Variants in CNOT3 observed in about 807,000 individuals in gnomAD.
CNOT3 encodes the protein CCR4-NOT transcription complex subunit 3, also known as CCR4-associated factor 3.
A neutral mutation model predicts 89.4 loss-of-function variants in CNOT3; 2 were observed. That is an observed-to-expected ratio of 0.02 (90% CI 0.01 to 0.07). CNOT3 has a LOEUF of 0.07. CNOT3 is among the 10% of genes least tolerant of loss of function. The pLI is 1.00. For synonymous variants in CNOT3, 486 were observed against 402.0 expected (o/e 1.21, Z -2.50); for missense variants, 664 against 1,010.2 (o/e 0.66, Z 4.65).
At position 54,155,509 on chromosome 19, in the gene CNOT3, G is replaced by A; in HGVS notation, c.*102G>A. 1 of 945,546 alleles carries A rather than the reference G, an allele frequency of 1.1e-6. No individual in the cohort carries two copies. Among genetic ancestry groups the A allele is most frequent in the Non-Finnish European group, 1.6e-6 (1 of 636,542 alleles). 58.6% of individuals were successfully genotyped at this position (945,546 alleles called of 1,614,324 possible). ...GACTGGAGGGAGGCCCCAAGCCACGGGGCATCCCCCTCTCCCAGGAAGCAG... is the reference window on the plus strand; with the variant it reads ...GACTGGAGGGAGGCCCCAAGCCACGAGGCATCCCCCTCTCCCAGGAAGCAG... On this transcript the variant is annotated 3_prime_UTR_variant, in exon 18 of 18. Coordinates refer to ENST00000221232, the MANE Select transcript of CNOT3 (RefSeq NM_014516.4).
Position 54,148,705 on chromosome 19 carries a change from C to A in CNOT3, c.1368C>A (p.Gly456=). 1 of 1,611,630 alleles carries A rather than the reference C, an allele frequency of 6.2e-7. No individual in the cohort carries two copies. The change falls in exon 12 of 18, where the codon GGC becomes GGA. Residue 456 remains glycine (G), a synonymous_variant. Coordinates refer to ENST00000221232, the MANE Select transcript of CNOT3 (RefSeq NM_014516.4). The surrounding 1 kb of genome is among the most constrained non-coding windows in gnomAD (Gnocchi z 6.3). Reference sequence around the variant, plus strand: ...ACAATGCCAGCAGCCAGGCCTTGGGCCCCCCTTCCGGCCCCCACAACCCAC... The same window carrying A: ...ACAATGCCAGCAGCCAGGCCTTGGGACCCCCTTCCGGCCCCCACAACCCAC... The part of the protein sequence containing the change: ...GGNNASSQAL[G]PPSGPHNPPP...
rs776285303 is a variant in CNOT3, at chr19:54,152,903, C to T, written c.1941C>T (p.Pro647=). 4 of 1,580,058 alleles carry T rather than the reference C, an allele frequency of 2.5e-6. No individual in the cohort carries two copies. Among genetic ancestry groups the T allele is most frequent in the Non-Finnish European group, 2.6e-6 (3 of 1,158,250 alleles). ...CCCGGAACCCCTGTCCGACGCCCCC[C>T]TACCACCACCAGATGCCACCCCCAC... The part of the protein sequence containing the change: ...YLPRNPCPTP[P]YHHQMPPPHS... Residue 647 remains proline, a synonymous_variant, in exon 16 of 18, where the codon CCC becomes CCT. Transcript: ENST00000221232.
In CNOT3 at chr19:54,155,314, C is replaced by G. The variant is rs748869699; in HGVS notation, c.2169C>G (p.Thr723=). 2.5e-6 allele frequency: 4 copies of G among 1,613,152 alleles called. No individual in the cohort carries two copies. The highest frequency in any genetic ancestry group is 3.4e-6 in the Non-Finnish European group (4 of 1,179,552). The change falls in exon 18 of 18, where the codon ACC becomes ACG. Residue 723 remains threonine, a synonymous_variant. Coordinates refer to ENST00000221232, the MANE Select transcript of CNOT3 (RefSeq NM_014516.4). ...CCGCCTTCTCCCCCGGCCAGGGCAC[C>G]TACATCTACTTTGACTACGAGAAGT... The part of the protein sequence containing the change: ...KTITDEFEQG[T]YIYFDYEKWG...
At chr19:54,153,397 A>G in intron 16 of CNOT3, 1 of 769,242 alleles carries the variant, frequency 1.3e-6, no homozygotes, top group Non-Finnish European at 2.4e-6. Context: ...AACCCCAGTG[A>G]GTCATGAGTG....
chr19:54,143,388 G>A, intron 3 of CNOT3, 54 bp from the exon 4 acceptor site: 1 of 1,557,348 alleles, frequency 6.4e-7, no homozygotes, highest in Non-Finnish European at 8.9e-7. Flanking sequence ...TCACTGGAGT[G>A]GGTACTGGGA....
Position 54,142,915 on chromosome 19 carries a change from A to G in CNOT3, c.-50-14A>G, listed in dbSNP as rs2074511072. 4 of 1,544,276 alleles carry G rather than the reference A, an allele frequency of 2.6e-6. No homozygotes were observed. Among genetic ancestry groups the G allele is most frequent in the Admixed American group, 3.3e-5 (2 of 59,914 alleles). On this transcript the variant is annotated splice_polypyrimidine_tract_variant and intron_variant, in intron 1 of 17. Coordinates refer to ENST00000221232, the MANE Select transcript of CNOT3 (RefSeq NM_014516.4). The stretch of plus-strand genomic sequence containing the variant: ...GGGAATACGTGTTAATTCCTCTCCA[A>G]TCTCTCCTAGCAGCGTCCGTCTCCA...
chr19:54,148,654 G>C lies in CNOT3; in HGVS notation c.1317G>C (p.Glu439Asp). Residue 439 changes from glutamate to aspartate, a missense_variant, in exon 12 of 18, where the codon GAG becomes GAC. Coordinates refer to ENST00000221232, the MANE Select transcript of CNOT3 (RefSeq NM_014516.4). This position sits in a 1 kb window ranked among gnomAD's most constrained non-coding sequence, Gnocchi z 6.3. Reference protein sequence around the residue: ...YSSVVADSPAEVALSSSGGNN... With the variant: ...YSSVVADSPADVALSSSGGNN... ...CAGTTGTGGCAGACAGCCCGGCAGA[G>C]GTGGCTTTGAGCAGCAGTGGGGGCA... 6.2e-7 allele frequency: 1 copy of C among 1,610,954 alleles called. No homozygotes were observed. The highest frequency in any genetic ancestry group is 1.1e-5 in the South Asian group (1 of 90,486).
In CNOT3 at chr19:54,145,858, C is replaced by T; in HGVS notation, c.703+41C>T. 3.1e-6 allele frequency: 5 copies of T among 1,610,196 alleles called. No individual in the cohort carries two copies. The highest frequency in any genetic ancestry group is 4.2e-6 in the Non-Finnish European group (5 of 1,177,206). ...TGATCGTGGCACAGGAAGTGAGGGCCCAGAATGGGCTGTGTGAGCCAGCTA... is the reference window on the plus strand; with the variant it reads ...TGATCGTGGCACAGGAAGTGAGGGCTCAGAATGGGCTGTGTGAGCCAGCTA... On this transcript the variant is annotated intron_variant, in intron 8 of 17. Transcript: ENST00000221232. This position sits in a 1 kb window ranked among gnomAD's most constrained non-coding sequence, Gnocchi z 5.9.
rs2074778729 is a variant in CNOT3, at chr19:54,148,020, CAGG to C, written c.895-125_895-123del. 1 of 620,430 alleles carries C rather than the reference CAGG, an allele frequency of 1.6e-6. No homozygotes were observed. The highest frequency in any genetic ancestry group is 2.6e-6 in the Non-Finnish European group (1 of 384,914). The allele number at this position is 620,430 out of a possible 1,614,324, so 38.4% of individuals were successfully genotyped here. Reference sequence around the variant, plus strand: ...AAGGTCACCCAGGTCCCCAAGAGGGCAGGAGCAGGTGGGGGCAGCGAGGCCAGA... The same window carrying C: ...AAGGTCACCCAGGTCCCCAAGAGGGCAGCAGGTGGGGGCAGCGAGGCCAGA... On this transcript the variant is annotated intron_variant, in intron 10 of 17. Coordinates refer to ENST00000221232, the MANE Select transcript of CNOT3 (RefSeq NM_014516.4). The surrounding 1 kb of genome is among the most constrained non-coding windows in gnomAD (Gnocchi z 6.3).
intron 1 of CNOT3, 77 bp from the exon 2 acceptor site, chr19:54,142,852 T>C (rs1457711307): frequency 2.2e-6 from 2 of 918,472 alleles, no homozygotes; most frequent in African/African-American, 3.2e-5. Context: ...TACCTCACTA[T>C]GCTGACTAGG....
chr19:54,148,382 C>G lies in CNOT3; in HGVS notation c.1129C>G (p.Pro377Ala). The change falls in exon 11 of 18, where the codon CCA becomes GCA. Residue 377 changes from proline (P) to alanine (A), a missense_variant. Coordinates refer to ENST00000221232, the MANE Select transcript of CNOT3 (RefSeq NM_014516.4). This position sits in a 1 kb window ranked among gnomAD's most constrained non-coding sequence, Gnocchi z 6.3. Reference sequence around the variant, plus strand: ...TGCTCCCTATGCCCAGGCTGTGGCCCCACCAGCTCCCAGTGGGCCCAGCAC... The same window carrying G: ...TGCTCCCTATGCCCAGGCTGTGGCCGCACCAGCTCCCAGTGGGCCCAGCAC... ...TPAPYAQAVA[P>A]PAPSGPSTTQ... The G allele has an allele frequency of 6.4e-7, 1 of 1,563,404 alleles. No individual in the cohort carries two copies. Among genetic ancestry groups the G allele is most frequent in the African/African-American group, 1.4e-5 (1 of 73,864 alleles).
rs1182090250 is a variant in CNOT3 at position 54,155,133 on chromosome 19, C to G, written c.2164-176C>G. 14 of 665,264 alleles carry G rather than the reference C, an allele frequency of 2.1e-5. No homozygotes were observed. In the Admixed American group the frequency reaches 4.5e-4, roughly 21 times the overall value. The allele number at this position is 665,264 out of a possible 1,614,324, so 41.2% of individuals were successfully genotyped here. ...CCTCCTCGCTGAAGTGGCATGATAACATTTCCTACCCAAGAAGAACCTTGT... is the reference window on the plus strand; with the variant it reads ...CCTCCTCGCTGAAGTGGCATGATAAGATTTCCTACCCAAGAAGAACCTTGT... On this transcript the variant is annotated intron_variant, in intron 17 of 17. Coordinates refer to ENST00000221232, the MANE Select transcript of CNOT3 (RefSeq NM_014516.4).
At chr19:54,138,943 C>T (rs1278997847) in intron 1 of CNOT3, among the ~76,000 whole-genome samples, 4 of 152,220 alleles carry the variant, frequency 2.6e-5, no homozygotes, top group African/African-American at 9.7e-5. Context: ...AACTCCCCTG[C>T]ATCGTGACTC....
rs182450969 is a variant in CNOT3 at position 54,139,786 on chromosome 19, C to T, written c.-51+1793C>T. Among the ~76,000 whole-genome samples the T allele has an allele frequency of 2.7e-4, 41 of 152,190 alleles. 1 individual carries two copies. The highest frequency in any genetic ancestry group is 3.4e-3 in the Middle Eastern group (1 of 292). On this transcript the variant is annotated intron_variant, in intron 1 of 17. Transcript: ENST00000221232. The stretch of plus-strand genomic sequence containing the variant: ...CGGGAGACTCCACTGTAGACCCTGT[C>T]CCTGGGACCAGAGACTTCTCTGGTG...
At chr19:54,151,454 A>T (rs1229657135) in intron 13 of CNOT3, among the ~76,000 whole-genome samples, 2 of 152,150 alleles carry the variant, frequency 1.3e-5, no homozygotes, top group Non-Finnish European at 2.9e-5. Flanking sequence ...CTGTAATCCC[A>T]GCTCTTAGGG....
rs1284332003 is a variant in CNOT3, at chr19:54,144,791, A to C, written c.483+459A>C. Among the ~76,000 whole-genome samples, 1 of 152,130 alleles carries C rather than the reference A, an allele frequency of 6.6e-6. No individual in the cohort carries two copies. The highest frequency in any genetic ancestry group is 2.4e-5 in the African/African-American group (1 of 41,432). ...AGACAGGAGTCTGGGACAAAGCTGG[A>C]TGTTGGGGTCCCAGGTTCTAAAATC... On this transcript the variant is annotated intron_variant, in intron 7 of 17. Coordinates refer to ENST00000221232, the MANE Select transcript of CNOT3 (RefSeq NM_014516.4). The surrounding 1 kb of genome is among the most constrained non-coding windows in gnomAD (Gnocchi z 4.8).
chr19:54,149,460 T>C, intron 12 of CNOT3, 100 bp from the exon 13 acceptor site: 1 of 680,304 alleles, frequency 1.5e-6, no homozygotes, highest in Non-Finnish European at 2.4e-6. Flanking sequence ...TCAGATCCCA[T>C]CTGATCTGTG....
intron 13 of CNOT3, among the ~76,000 whole-genome samples, chr19:54,150,093 T>G (rs1180059507): frequency 2.0e-5 from 3 of 152,046 alleles, no homozygotes; most frequent in Non-Finnish European, 4.4e-5. Context: ...CCGTTTGTCC[T>G]CACAAGGCAT....
rs2074594057 is a variant in CNOT3, at chr19:54,144,841, A to T, written c.483+509A>T. ...CCGGGATTGTGGGGTATGAGTTCAA[A>T]GGGATACAAACTGTACAGACTTGCT... is the stretch of plus-strand genomic sequence containing the variant. On this transcript the variant is annotated intron_variant, in intron 7 of 17. Transcript: ENST00000221232. The surrounding 1 kb of genome is among the most constrained non-coding windows in gnomAD (Gnocchi z 4.8). Among the ~76,000 whole-genome samples the T allele has an allele frequency of 6.6e-6, 1 of 152,144 alleles. No homozygotes were observed. Among genetic ancestry groups the T allele is most frequent in the South Asian group, 2.1e-4 (1 of 4,830 alleles).
Sources: allele counts gnomAD v4.1 joint callset (sites outside exome capture counted in the v4.1 genomes callset), GRCh38; gene constraint gnomAD v4.1.1; non-coding constraint Gnocchi (gnomAD v3.1); transcripts MANE v1.5; gene names NCBI Gene and HGNC (gene_info 2026-07-23, HGNC 2026-07-21).